Variants in CEP131 observed in about 807,000 individuals in gnomAD.
CEP131 encodes the protein centrosomal protein of 131 kDa.
CEP131 carries 99 observed loss-of-function variants against 136.8 expected under a neutral mutation model. The ratio of observed to expected loss-of-function variants is 0.72; its 90% CI spans 0.62 to 0.86. The LOEUF is 0.86. Among genes scored for constraint, CEP131 ranks in the 40% least tolerant of loss-of-function variants. The pLI is 0.00. For missense variants in CEP131, 1,459 were observed against 1,463.0 expected (o/e 1.00, Z 0.04); for synonymous variants, 646 against 612.7 (o/e 1.05, Z -0.80).
chr17:81,189,997 C>T (rs1013888052), intron 24 of CEP131, 22 bp from the exon 25 acceptor site: 4 of 1,590,336 alleles, frequency 2.5e-6, no homozygotes, highest in Non-Finnish European at 3.4e-6. Context: ...ACATGGTAGG[C>T]TTCAGTGTGG....
Position 81,203,481 on chromosome 17 carries a change from C to A in CEP131, c.629+13G>T, listed in dbSNP as rs771305989. The A allele has an allele frequency of 1.3e-6, 2 of 1,584,934 alleles. No individual in the cohort carries two copies. Among genetic ancestry groups the A allele is most frequent in the Non-Finnish European group, 1.7e-6 (2 of 1,166,464 alleles). On this transcript the variant is annotated intron_variant, in intron 6 of 25. Coordinates refer to ENST00000450824, the MANE Select transcript of CEP131 (RefSeq NM_014984.4). The surrounding 1 kb of genome is among the most constrained non-coding windows in gnomAD (Gnocchi z 4.6). ...GGACCCCGCAGCCCCGCGGCCTCCC[C>A]AGAAGACCTTACTTGAGGGAGGGGG...
chr17:81,198,156 G>C lies in CEP131; in HGVS notation c.1429C>G (p.Pro477Ala). The C allele has an allele frequency of 6.4e-7, 1 of 1,574,274 alleles. No homozygotes were observed. The highest frequency in any genetic ancestry group is 8.6e-7 in the Non-Finnish European group (1 of 1,160,224). The change falls in exon 12 of 26, where the codon CCC (proline) becomes GCC (alanine). Residue 477 changes from proline (P) to alanine (A), a missense_variant. Transcript: ENST00000450824. ...LEKEPDVLPR[P>A]RTHHRGRYAW... Reference sequence around the variant, plus strand: ...TATCTGCCCCTGTGATGGGTCCTGGGGCGGGGCAGCACGTCCGGCTCCTTC... The same window carrying C: ...TATCTGCCCCTGTGATGGGTCCTGGCGCGGGGCAGCACGTCCGGCTCCTTC...
chr17:81,213,483 C>T (rs183867229), intron 2 of CEP131, among the ~76,000 whole-genome samples: 5 of 151,450 alleles, frequency 3.3e-5, no homozygotes, highest in African/African-American at 9.7e-5. Context: ...CGCTTGAACC[C>T]GGGAGGCGGA....
chr17:81,205,840 A>T (rs1484391345), intron 5 of CEP131, among the ~76,000 whole-genome samples: 1 of 152,136 alleles, frequency 6.6e-6, no homozygotes, highest in Non-Finnish European at 1.5e-5. Flanking sequence ...TAGAGGCTGC[A>T]GTGAGCTATG....
rs542859751 is a variant in CEP131, at chr17:81,190,967, C to G, written c.2883G>C (p.Glu961Asp). 6.2e-7 allele frequency: 1 copy of G among 1,605,952 alleles called. No homozygotes were observed. The highest frequency in any genetic ancestry group is 1.3e-5 in the African/African-American group (1 of 74,942). Residue 961 changes from glutamate to aspartate, a missense_variant, in exon 23 of 26, where the codon GAG becomes GAC. Glu to Asp is a conservative substitution (Grantham distance 45). Transcript: ENST00000450824. ...LKGQLGEAEG[E>D]NLRLQGLVRQ... ...GCACAAGGCCCTGCAGACGCAGATT[C>G]TCGCCCTCGGCCTCCCCAAGCTGGC...
chr17:81,211,338 C>G (rs1047553953), intron 2 of CEP131, among the ~76,000 whole-genome samples: 2 of 152,192 alleles, frequency 1.3e-5, no homozygotes, highest in African/African-American at 4.8e-5. Context: ...ATGGAGGCCT[C>G]CATCCTTCTA....
In CEP131 at chr17:81,199,552, G is replaced by A; in HGVS notation, c.1024-3C>T. ...AGGGCTCGTTTCTGTTGCAGCTCCT[G>A]CAGTGGGAGCATCGCTGAGCACTGT... is the stretch of plus-strand genomic sequence containing the variant. On this transcript the variant is annotated splice_region_variant and splice_polypyrimidine_tract_variant and intron_variant, in intron 9 of 25. Transcript: ENST00000450824. 1 of 1,603,316 alleles carries A rather than the reference G, an allele frequency of 6.2e-7. No homozygotes were observed. The highest frequency in any genetic ancestry group is 8.5e-7 in the Non-Finnish European group (1 of 1,175,518).
intron 16 of CEP131, among the ~76,000 whole-genome samples, chr17:81,195,188 CCT>C (rs1210975357): frequency 6.6e-6 from 1 of 152,166 alleles, no homozygotes; most frequent in Non-Finnish European, 1.5e-5. Context: ...ACCTTGGTGG[CCT>C]GAGACATGGG....
In CEP131 at chr17:81,199,532, T is replaced by A; in HGVS notation, c.1041A>T (p.Arg347=). The change falls in exon 10 of 26, where the codon CGA becomes CGT. Residue 347 remains arginine, a synonymous_variant. Transcript: ENST00000450824. ...RAAIQELQQK[R]ALRAQKASTA... is the part of the protein sequence containing the mutation. ...TGCTCGCCTTCTGGGCTCTCAGGGCTCGTTTCTGTTGCAGCTCCTGCAGTG... is the reference window on the plus strand; with the variant it reads ...TGCTCGCCTTCTGGGCTCTCAGGGCACGTTTCTGTTGCAGCTCCTGCAGTG... The A allele has an allele frequency of 6.2e-7, 1 of 1,607,074 alleles. No individual in the cohort carries two copies. The highest frequency in any genetic ancestry group is 8.5e-7 in the Non-Finnish European group (1 of 1,177,262).
intron 18 of CEP131, 73 bp from the exon 19 acceptor site, chr17:81,192,916 GGGCCGACCACA>G: frequency 6.5e-7 from 1 of 1,534,832 alleles, no homozygotes; most frequent in Non-Finnish European, 8.7e-7. Flanking sequence ...GCAGGGGCAC[GGGCCGACCACA>G]GGCCTGACTC....
In CEP131 at chr17:81,192,520, C is replaced by G; in HGVS notation, c.2503G>C (p.Ala835Pro). The change falls in exon 20 of 26, where the codon GCT becomes CCT. Residue 835 changes from alanine (A) to proline (P), a missense_variant. Physicochemically the swap from Ala to Pro is conservative, Grantham distance 27. This residue lies in a region of CEP131 where 1,026 missense variants were observed against 964.2 expected (regional missense o/e 1.06). Transcript: ENST00000450824. ...SSSALTRALR[A>P]EFEKGREEQE... Reference sequence around the variant, plus strand: ...TCCTCCCTGCCCTTCTCAAACTCAGCCCTCAGGGCTCGGGTCAGTGCAGAG... The same window carrying G: ...TCCTCCCTGCCCTTCTCAAACTCAGGCCTCAGGGCTCGGGTCAGTGCAGAG... The G allele has an allele frequency of 6.2e-7, 1 of 1,611,324 alleles. No individual in the cohort carries two copies. Among genetic ancestry groups the G allele is most frequent in the Non-Finnish European group, 8.5e-7 (1 of 1,179,714 alleles).
chr17:81,198,784 G>A (rs2061824270), intron 11 of CEP131, 93 bp downstream of exon 11: 3 of 1,297,422 alleles, frequency 2.3e-6, no homozygotes, highest in South Asian at 2.6e-5. Flanking sequence ...GCAGAGGAGG[G>A]GCTGGGAGAA....
intron 16 of CEP131, among the ~76,000 whole-genome samples, 172 bp from the exon 17 acceptor site, chr17:81,195,144 G>A (rs1389369685): frequency 6.7e-6 from 1 of 150,360 alleles, no homozygotes; most frequent in African/African-American, 2.5e-5. Context: ...AGCGCCCGGG[G>A]CCAGGCTGGA....
intron 21 of CEP131, among the ~76,000 whole-genome samples, chr17:81,192,073 G>A (rs778235475): frequency 2.6e-5 from 4 of 152,222 alleles, no homozygotes; most frequent in East Asian, 1.9e-4. Context: ...GGCAACGCCT[G>A]TTCTCGGACC....
intron 2 of CEP131, among the ~76,000 whole-genome samples, chr17:81,210,104 G>A (rs1465734527): frequency 1.3e-5 from 2 of 152,068 alleles, no homozygotes; most frequent in African/African-American, 4.8e-5. Context: ...CAGAGCGCTC[G>A]GAGAAGTAGC....
intron 13 of CEP131, 101 bp from the exon 14 acceptor site, chr17:81,197,156 G>A: frequency 6.9e-7 from 1 of 1,452,144 alleles, no homozygotes; most frequent in South Asian, 1.4e-5. Flanking sequence ...GGGACAGAGG[G>A]GCTGCTGCAC....
rs565182733 is a variant in CEP131, at chr17:81,201,588, A to G, written c.788+652T>C. On this transcript the variant is annotated intron_variant, in intron 7 of 25. Coordinates refer to ENST00000450824, the MANE Select transcript of CEP131 (RefSeq NM_014984.4). ...AGTTTTACTGAGGTACAATTTCCAT[A>G]CTATAAAATCTACCCATTTTCAGTG... 8.9e-4 allele frequency among the ~76,000 whole-genome samples: 136 copies of G among 152,304 alleles called. 1 individual carries two copies. Among genetic ancestry groups the G allele is most frequent in the African/African-American group, 2.9e-3 (121 of 41,558 alleles).
chr17:81,203,414 G>C lies in CEP131; in HGVS notation c.629+80C>G. The C allele has an allele frequency of 8.4e-7, 1 of 1,193,970 alleles. No homozygotes were observed. The highest frequency in any genetic ancestry group is 1.2e-6 in the Non-Finnish European group (1 of 839,920). The allele number at this position is 1,193,970 out of a possible 1,614,324, so 74.0% of individuals were successfully genotyped here. A position where few individuals can be genotyped will look rare whatever the true frequency, so the allele number is the denominator to read the frequency against. On this transcript the variant is annotated intron_variant, in intron 6 of 25. Coordinates refer to ENST00000450824, the MANE Select transcript of CEP131 (RefSeq NM_014984.4). This position sits in a 1 kb window ranked among gnomAD's most constrained non-coding sequence, Gnocchi z 4.6. ...GAACTGACCGCGTGCCCTGACCGAG[G>C]TCGGACCCCAGGTGCACTGACTACA...
Position 81,199,431 on chromosome 17 carries a change from G to A in CEP131, c.1142C>T (p.Ser381Phe). The A allele has an allele frequency of 1.2e-6, 2 of 1,607,410 alleles. No individual in the cohort carries two copies. The highest frequency in any genetic ancestry group is 2.2e-5 in the East Asian group (1 of 44,692). ...PGMRQPAQELSPTPGGTAHQA... is the reference protein window; with the variant it reads ...PGMRQPAQELFPTPGGTAHQA... ...GTGGGCAGTGCCGCCTGGTGTGGGG[G>A]ACAGCTCCTGAGCAGGCTGCCGCAT... The change falls in exon 10 of 26, where the codon TCC becomes TTC. Residue 381 changes from serine to phenylalanine, a missense_variant. Ser to Phe is a radical substitution (Grantham distance 155). This residue lies in a region of CEP131 where 1,026 missense variants were observed against 964.2 expected (regional missense o/e 1.06). Transcript: ENST00000450824.
Sources: allele counts gnomAD v4.1 joint callset (sites outside exome capture counted in the v4.1 genomes callset), GRCh38; gene constraint gnomAD v4.1.1; regional missense constraint gnomAD v4.1.1; non-coding constraint Gnocchi (gnomAD v3.1); transcripts MANE v1.5; gene names NCBI Gene and HGNC (gene_info 2026-07-23, HGNC 2026-07-21).